NSMCE2: variants seen among roughly 807,000 people sequenced by gnomAD.
NSMCE2 encodes NSE2 SUMO ligase component of SMC5/6 complex.
A neutral mutation model predicts 23.8 loss-of-function variants in NSMCE2; 24 were observed. That is an observed-to-expected ratio of 1.01 (90% CI 0.73 to 1.42). The LOEUF (loss-of-function observed/expected upper bound fraction) is 1.42, where lower values mean the gene tolerates loss of function less well. Among genes scored for constraint, NSMCE2 ranks in the 40% most tolerant of loss-of-function variants. The probability of loss-of-function intolerance (pLI) is 0.00; values close to 1 mark genes in which losing one functional copy is unlikely to be tolerated. For synonymous variants in NSMCE2, 92 were observed against 94.1 expected (o/e 0.98, Z 0.13); for missense variants, 284 against 296.5 (o/e 0.96, Z 0.31).
intron 5 of NSMCE2, among the ~76,000 whole-genome samples, chr8:125,343,511 C>G: frequency 6.6e-6 from 1 of 152,176 alleles, no homozygotes; most frequent in East Asian, 1.9e-4. Context: ...TGTTGGCACG[C>G]ACCTATAGTC....
intron 5 of NSMCE2, among the ~76,000 whole-genome samples, chr8:125,292,597 G>T (rs1163547524): frequency 1.3e-5 from 2 of 151,614 alleles, no homozygotes; most frequent in Non-Finnish European, 2.9e-5. Context: ...AGAAAATATT[G>T]TAGAAAAGCC....
rs1246246920 is a variant in NSMCE2 at position 125,113,480 on chromosome 8, T to TA, written c.157+10999dup. Among the ~76,000 whole-genome samples the TA allele has an allele frequency of 3.3e-5, 5 of 151,940 alleles. No homozygotes were observed. In the East Asian group the frequency reaches 7.7e-4, roughly 23 times the overall value. On this transcript the variant is annotated intron_variant, in intron 3 of 7. Transcript: ENST00000287437. ...GAGCAACAGAGAAAGACCCTGTCTCTAAAAAATAAATAAATAAAAATATAT... is the reference window on the plus strand; with the variant it reads ...GAGCAACAGAGAAAGACCCTGTCTCTAAAAAAATAAATAAATAAAAATATAT...
chr8:125,113,549 G>A (rs1258431708), intron 3 of NSMCE2, among the ~76,000 whole-genome samples: 1 of 152,166 alleles, frequency 6.6e-6, no homozygotes, highest in Non-Finnish European at 1.5e-5. Context: ...ATACATTTCT[G>A]GGGGAGGAGA....
chr8:125,245,366 CA>C (rs1228383537), intron 5 of NSMCE2, among the ~76,000 whole-genome samples: 1 of 152,128 alleles, frequency 6.6e-6, no homozygotes, highest in Non-Finnish European at 1.5e-5. Context: ...ACATTTACAT[CA>C]AATATTAACT....
At chr8:125,146,662 C>T (rs190932107) in intron 3 of NSMCE2, among the ~76,000 whole-genome samples, 1,545 of 152,122 alleles carry the variant, frequency 0.01, 7 homozygotes, top group South Asian at 0.02. Context: ...AACCAAACAC[C>T]GCATGTTCTC....
At chr8:125,350,717 C>G (rs1268721171) in intron 5 of NSMCE2, among the ~76,000 whole-genome samples, 1 of 152,190 alleles carries the variant, frequency 6.6e-6, no homozygotes, top group Non-Finnish European at 1.5e-5. Flanking sequence ...TTGACTATCA[C>G]AAGAACAGCA....
chr8:125,294,724 A>C (rs1422270269), intron 5 of NSMCE2, among the ~76,000 whole-genome samples: 1 of 152,232 alleles, frequency 6.6e-6, no homozygotes, highest in Non-Finnish European at 1.5e-5. Context: ...AACATAAAGT[A>C]AAATGACATG....
rs528648773 is a variant in NSMCE2 at position 125,243,902 on chromosome 8, A to T, written c.418+61646A>T. On this transcript the variant is annotated intron_variant, in intron 5 of 7. Transcript: ENST00000287437. ...GAGCAACAGGAAGATCATCTTTGTC[A>T]CTGAAAGACTCACAACATATCCCAC... 3.3e-5 allele frequency among the ~76,000 whole-genome samples: 5 copies of T among 152,288 alleles called. No homozygotes were observed. The East Asian group carries it at 9.6e-4, about 29-fold the overall frequency.
chr8:125,150,334 T>C (rs763101612), intron 3 of NSMCE2, among the ~76,000 whole-genome samples: 80 of 152,066 alleles, frequency 5.3e-4, no homozygotes, highest in Non-Finnish European at 2.9e-4. Flanking sequence ...TTATTTCTTA[T>C]TACCTTGTGA....
At chr8:125,159,147 G>C (rs550702176) in intron 4 of NSMCE2, among the ~76,000 whole-genome samples, 5 of 152,224 alleles carry the variant, frequency 3.3e-5, no homozygotes, top group Non-Finnish European at 7.4e-5. Flanking sequence ...GAGCAAGAAA[G>C]ATTATATTCA....
intron 5 of NSMCE2, among the ~76,000 whole-genome samples, chr8:125,283,997 C>CA (rs1256634240): frequency 1.3e-5 from 2 of 151,660 alleles, no homozygotes; most frequent in East Asian, 1.9e-4. Context: ...ACTAAAAATA[C>CA]AAAAAAATTA....
intron 5 of NSMCE2, among the ~76,000 whole-genome samples, chr8:125,239,676 C>T (rs1825692731): frequency 6.7e-6 from 1 of 148,438 alleles, no homozygotes; most frequent in Non-Finnish European, 1.5e-5. Context: ...CAAAAAATTA[C>T]AAATTTAAAA....
chr8:125,312,087 A>AG (rs1828993774), intron 5 of NSMCE2, among the ~76,000 whole-genome samples: 2 of 150,160 alleles, frequency 1.3e-5, no homozygotes, highest in African/African-American at 2.4e-5. Flanking sequence ...AAAAAAAAAA[A>AG]AAAAAAGAAA....
intron 4 of NSMCE2, among the ~76,000 whole-genome samples, chr8:125,168,380 CAGTTG>C (rs1822004164): frequency 6.6e-6 from 1 of 152,164 alleles, no homozygotes; most frequent in Non-Finnish European, 1.5e-5. Flanking sequence ...TCTTTTCTGC[CAGTTG>C]CCCTTTCTCA....
At chr8:125,173,337 G>A (rs1177873060) in intron 4 of NSMCE2, among the ~76,000 whole-genome samples, 8 of 152,184 alleles carry the variant, frequency 5.3e-5, no homozygotes. Context: ...GGGAGGAGAA[G>A]ATGTGTAACT....
chr8:125,231,855 A>G (rs1825336857), intron 5 of NSMCE2, among the ~76,000 whole-genome samples: 1 of 152,178 alleles, frequency 6.6e-6, no homozygotes. Context: ...AAGAAGGAAC[A>G]CATTTTCTTT....
At chr8:125,115,951 GA>G (rs1184022838) in intron 3 of NSMCE2, among the ~76,000 whole-genome samples, 1 of 152,160 alleles carries the variant, frequency 6.6e-6, no homozygotes, top group Non-Finnish European at 1.5e-5. Flanking sequence ...CACAGAAGGG[GA>G]AATTAGGCTC....
chr8:125,105,879 G>A lies in NSMCE2; in HGVS notation c.157+3392G>A, dbSNP rs570548146. Among the ~76,000 whole-genome samples the A allele has an allele frequency of 2.0e-5, 3 of 152,204 alleles. No individual in the cohort carries two copies. In the South Asian group the frequency reaches 6.2e-4, roughly 32 times the overall value. On this transcript the variant is annotated intron_variant, in intron 3 of 7. Coordinates refer to ENST00000287437, the MANE Select transcript of NSMCE2 (RefSeq NM_173685.4). ...TTTTAATATTTGGATTAATTTTACA[G>A]CAAATACTTGATTTTGCATTTACCA...
chr8:125,315,838 C>T (rs1396072807), intron 5 of NSMCE2, among the ~76,000 whole-genome samples: 1 of 152,000 alleles, frequency 6.6e-6, no homozygotes, highest in Non-Finnish European at 1.5e-5. Context: ...GGTTTCACTC[C>T]GTCACCCAGG....
Sources: gnomAD v4.1 joint callset for allele counts (sites outside exome capture counted in the v4.1 genomes callset) on GRCh38, gnomAD v4.1.1 for gene constraint, MANE v1.5 for transcripts, NCBI Gene and HGNC (gene_info 2026-07-23, HGNC 2026-07-21) for gene names.